RIMBP2: variants seen among roughly 807,000 people sequenced by gnomAD.
RIMBP2 encodes the protein RIMS-binding protein 2.
A neutral mutation model predicts 118.6 loss-of-function variants in RIMBP2; 48 were observed. That is an observed-to-expected ratio of 0.40 (90% CI 0.32 to 0.51). The LOEUF is 0.51. RIMBP2 is among the 20% of genes least tolerant of loss of function. The pLI is 0.41. For synonymous variants in RIMBP2, 762 were observed against 742.9 expected, an observed-to-expected ratio of 1.03 and a Z score of -0.42; for missense variants, 1,551 against 1,768.3, an observed-to-expected ratio of 0.88 and a Z score of 2.20.
Position 130,422,469 on chromosome 12 carries a change from C to G in RIMBP2, c.3222G>C (p.Val1074=). 1 of 1,611,558 alleles carries G rather than the reference C, an allele frequency of 6.2e-7. No individual in the cohort carries two copies. Among genetic ancestry groups the G allele is most frequent in the Non-Finnish European group, 8.5e-7 (1 of 1,178,072 alleles). The change falls in exon 17 of 23, where the codon GTG becomes GTC. Residue 1074 remains valine, a synonymous_variant. Coordinates refer to ENST00000690449, the MANE Select transcript of RIMBP2 (RefSeq NM_001393629.1). This position sits in a 1 kb window ranked among gnomAD's most constrained non-coding sequence, Gnocchi z 5.2. ...GCCACTAACCGATGGATGGGACTGT[C>G]ACGGGCCGGGACCTCTGAGGACCAG... The part of the protein sequence containing the change: ...GSAGPQRSRP[V]TVPSIDDYGR...
intron 1 of RIMBP2, among the ~76,000 whole-genome samples, chr12:130,690,107 G>A (rs1296370084): frequency 6.6e-6 from 1 of 152,170 alleles, no homozygotes; most frequent in Non-Finnish European, 1.5e-5. Context: ...GTCAGCAAGG[G>A]CGGGTCAAGT....
chr12:130,477,109 C>T (rs1162251079), intron 5 of RIMBP2, among the ~76,000 whole-genome samples: 2 of 152,216 alleles, frequency 1.3e-5, no homozygotes, highest in African/African-American at 2.4e-5. Context: ...CTGCCCCTCG[C>T]CCCACTAGTG....
At chr12:130,556,566 T>A (rs1161141188) in intron 2 of RIMBP2, among the ~76,000 whole-genome samples, 1 of 152,184 alleles carries the variant, frequency 6.6e-6, no homozygotes, top group Non-Finnish European at 1.5e-5. Context: ...ACCAAGCAAC[T>A]GTGAGAAGCT....
intron 2 of RIMBP2, among the ~76,000 whole-genome samples, chr12:130,532,409 G>A (rs191494443): frequency 1.9e-4 from 29 of 149,774 alleles, no homozygotes; most frequent in Admixed American, 3.3e-4. Context: ...TAGGAGTTAC[G>A]TCTAATGAGA....
chr12:130,618,049 AAAAG>A (rs1419167694), intron 2 of RIMBP2, among the ~76,000 whole-genome samples: 1 of 148,190 alleles, frequency 6.7e-6, no homozygotes, highest in African/African-American at 2.5e-5. Flanking sequence ...AAAAAGGGGA[AAAAG>A]AAAGAAAATC....
At chr12:130,678,229 T>C (rs948016908) in intron 1 of RIMBP2, among the ~76,000 whole-genome samples, 1 of 152,052 alleles carries the variant, frequency 6.6e-6, no homozygotes, top group African/African-American at 2.4e-5. Flanking sequence ...CCACACTCTC[T>C]AAGAAGGCTG....
At position 130,522,079 on chromosome 12, in the gene RIMBP2, CT is replaced by C. The variant is rs529293828; in HGVS notation, c.-216-4163del. Reference sequence around the variant, plus strand: ...AGCATTCTGGGATTGGATGTGAGGACTCCTAGGGCCACATGTCCCTGAAATC... The same window carrying C: ...AGCATTCTGGGATTGGATGTGAGGACCCTAGGGCCACATGTCCCTGAAATC... On this transcript the variant is annotated intron_variant, in intron 2 of 22. Coordinates refer to ENST00000690449, the MANE Select transcript of RIMBP2 (RefSeq NM_001393629.1). Among the ~76,000 whole-genome samples, 18 of 152,320 alleles carry C rather than the reference CT, an allele frequency of 1.2e-4. 1 individual carries two copies. In the South Asian group the frequency reaches 3.7e-3, roughly 32 times the overall value.
At chr12:130,666,723 G>A (rs2063928134) in intron 1 of RIMBP2, among the ~76,000 whole-genome samples, 1 of 144,292 alleles carries the variant, frequency 6.9e-6, no homozygotes, top group African/African-American at 2.6e-5. Flanking sequence ...GAGGAAGGGA[G>A]AAGGGAAGAA....
At chr12:130,712,253 C>T (rs1368365961) in intron 1 of RIMBP2, among the ~76,000 whole-genome samples, 1 of 152,162 alleles carries the variant, frequency 6.6e-6, no homozygotes, top group Non-Finnish European at 1.5e-5. Context: ...CAGCTTACTT[C>T]GTTGCCTTAT....
At chr12:130,629,388 CTT>C (rs2061843270) in intron 1 of RIMBP2, among the ~76,000 whole-genome samples, 1 of 152,200 alleles carries the variant, frequency 6.6e-6, no homozygotes, top group Non-Finnish European at 1.5e-5. Flanking sequence ...TTCCAGGACT[CTT>C]CGTCTGACAG....
chr12:130,514,965 C>T (rs1187154166), intron 3 of RIMBP2, among the ~76,000 whole-genome samples: 1 of 152,142 alleles, frequency 6.6e-6, no homozygotes, highest in African/African-American at 2.4e-5. Context: ...CAAGCTCTGC[C>T]TCCCGGGTTC....
At chr12:130,645,927 T>G (rs1052461223) in intron 1 of RIMBP2, among the ~76,000 whole-genome samples, 1 of 152,162 alleles carries the variant, frequency 6.6e-6, no homozygotes. Flanking sequence ...AGTTACTAAG[T>G]CACTGAATAG....
At position 130,523,914 on chromosome 12, in the gene RIMBP2, A is replaced by C. The variant is rs2052459692; in HGVS notation, c.-216-5997T>G. Among the ~76,000 whole-genome samples, 1 of 152,102 alleles carries C rather than the reference A, an allele frequency of 6.6e-6. No homozygotes were observed. Among genetic ancestry groups the C allele is most frequent in the Non-Finnish European group, 1.5e-5 (1 of 68,018 alleles). On this transcript the variant is annotated intron_variant, in intron 2 of 22. Transcript: ENST00000690449. The surrounding 1 kb of genome is among the most constrained non-coding windows in gnomAD (Gnocchi z 4.4). ...GGGGAAGAGGGTCCACCCAGCACAA[A>C]TACATAACAAAGGCATGTAAGGGCA...
intron 6 of RIMBP2, among the ~76,000 whole-genome samples, chr12:130,462,620 G>A (rs1343671319): frequency 2.6e-5 from 4 of 152,206 alleles, no homozygotes; most frequent in Admixed American, 6.5e-5. Context: ...CTCAGAGCTG[G>A]GTCTCTAGCT....
chr12:130,557,355 G>T (rs922817844), intron 2 of RIMBP2, among the ~76,000 whole-genome samples: 6 of 152,188 alleles, frequency 3.9e-5, no homozygotes, highest in African/African-American at 1.4e-4. Flanking sequence ...TATCTAAGCT[G>T]CCAGTTGCTC....
chr12:130,597,552 T>C (rs1211340967), intron 2 of RIMBP2, among the ~76,000 whole-genome samples: 5 of 152,218 alleles, frequency 3.3e-5, no homozygotes, highest in Non-Finnish European at 7.3e-5. Context: ...AGGTAACCCA[T>C]CTTAACCAAA....
rs1246877220 is a variant in RIMBP2, at chr12:130,428,508, G to A, written c.2254-171C>T. On this transcript the variant is annotated intron_variant, in intron 14 of 22. Transcript: ENST00000690449. ...TTCTGGAAAGTGAGGCTGGAGAGAG[G>A]ACACACCCACTCTCTCTGTTGAAGT... The A allele has an allele frequency of 4.7e-5, 28 of 591,336 alleles. 1 individual carries two copies. The East Asian group carries it at 7.7e-4, about 16-fold the overall frequency. The allele number at this position is 591,336 out of a possible 1,614,324, so 36.6% of individuals were successfully genotyped here.
chr12:130,579,736 T>C (rs2058334446), intron 2 of RIMBP2, among the ~76,000 whole-genome samples: 1 of 151,762 alleles, frequency 6.6e-6, no homozygotes, highest in Non-Finnish European at 1.5e-5. Flanking sequence ...TCGTGCCCGG[T>C]CAATAAATAC....
At chr12:130,407,529 T>C (rs1208968157) in intron 20 of RIMBP2, among the ~76,000 whole-genome samples, 197 bp downstream of exon 20, 3 of 152,176 alleles carry the variant, frequency 2.0e-5, no homozygotes, top group Non-Finnish European at 4.4e-5. Flanking sequence ...GGGCTGGCCA[T>C]GTCCCTGGGA....
Sources: allele counts gnomAD v4.1 joint callset (sites outside exome capture counted in the v4.1 genomes callset), GRCh38; gene constraint gnomAD v4.1.1; non-coding constraint Gnocchi (gnomAD v3.1); transcripts MANE v1.5; gene names NCBI Gene and HGNC (gene_info 2026-07-23, HGNC 2026-07-21).